STX18: variants seen among roughly 807,000 people sequenced by gnomAD.
The protein encoded by STX18 is syntaxin 18, also known as syntaxin-18.
STX18 carries 40 observed loss-of-function variants against 50.1 expected under a neutral mutation model. That is an observed-to-expected ratio of 0.80 (90% CI 0.62 to 1.04). The LOEUF (loss-of-function observed/expected upper bound fraction) is 1.04, where lower values mean the gene tolerates loss of function less well. STX18 is among the 50% of genes least tolerant of loss of function. STX18 has a pLI of 0.00. For synonymous variants in STX18, 158 were observed against 151.8 expected (o/e 1.04, Z -0.30); for missense variants, 410 against 415.8 (o/e 0.99, Z 0.12).
At chr4:4,449,089 C>G (rs1339059417) in intron 5 of STX18, among the ~76,000 whole-genome samples, 1 of 144,988 alleles carries the variant, frequency 6.9e-6, no homozygotes, top group Non-Finnish European at 1.5e-5. Flanking sequence ...CTCTGTTGTC[C>G]AGGCTAGAGT....
chr4:4,444,750 T>A (rs1027870277), intron 5 of STX18, among the ~76,000 whole-genome samples: 2 of 152,178 alleles, frequency 1.3e-5, no homozygotes, highest in African/African-American at 4.8e-5. Context: ...CTTAACCTGA[T>A]AAAGAACAGC....
At chr4:4,521,052 G>C (rs1212405639) in intron 1 of STX18, among the ~76,000 whole-genome samples, 2 of 152,110 alleles carry the variant, frequency 1.3e-5, no homozygotes, top group Non-Finnish European at 2.9e-5. Context: ...ATTTACCAAA[G>C]ACTACTCACC....
chr4:4,500,279 G>A (rs1729377238), intron 1 of STX18, among the ~76,000 whole-genome samples: 1 of 152,132 alleles, frequency 6.6e-6, no homozygotes, highest in South Asian at 2.1e-4. Flanking sequence ...TTGACCCTGT[G>A]TATCCATGGG....
intron 1 of STX18, among the ~76,000 whole-genome samples, chr4:4,494,478 C>A (rs1729079267): frequency 6.6e-6 from 1 of 152,112 alleles, no homozygotes; most frequent in East Asian, 1.9e-4. Context: ...TTTCTGATGA[C>A]TACATTACAG....
intron 1 of STX18, among the ~76,000 whole-genome samples, chr4:4,474,572 A>G (rs187308864): frequency 2.6e-3 from 399 of 152,352 alleles, no homozygotes; most frequent in Non-Finnish European, 4.5e-3. Flanking sequence ...GTTGCTGATC[A>G]GCTGACCTTA....
At chr4:4,460,640 T>C (rs560378956) in intron 2 of STX18, among the ~76,000 whole-genome samples, 1 of 152,008 alleles carries the variant, frequency 6.6e-6, no homozygotes, top group African/African-American at 2.4e-5. Flanking sequence ...GAAAAAGAAA[T>C]CCCACAGCCT....
chr4:4,493,287 C>T (rs1258783101), intron 1 of STX18, among the ~76,000 whole-genome samples: 2 of 151,698 alleles, frequency 1.3e-5, no homozygotes, highest in Non-Finnish European at 2.9e-5. Flanking sequence ...TCCCAACCCC[C>T]CCGCCCCCTC....
intron 1 of STX18, among the ~76,000 whole-genome samples, chr4:4,508,311 A>G (rs998506399): frequency 1.3e-5 from 2 of 152,104 alleles, no homozygotes; most frequent in Admixed American, 6.5e-5. Context: ...ACAACAACCT[A>G]TCTCTTTGAA....
Position 4,541,976 on chromosome 4 carries a change from C to A in STX18, c.-12G>T, listed in dbSNP as rs1560219060. Reference sequence around the variant, plus strand: ...ATGTCCACCGCCATAGCGACCCGCACCCTCAGCCCCACACTAGGCCCGCCC... The same window carrying A: ...ATGTCCACCGCCATAGCGACCCGCAACCTCAGCCCCACACTAGGCCCGCCC... On this transcript the variant is annotated 5_prime_UTR_variant, in exon 1 of 11. Transcript: ENST00000306200. 1 of 1,594,390 alleles carries A rather than the reference C, an allele frequency of 6.3e-7. No homozygotes were observed. The highest frequency in any genetic ancestry group is 2.3e-5 in the East Asian group (1 of 43,564).
At chr4:4,501,891 G>A (rs548919868) in intron 1 of STX18, among the ~76,000 whole-genome samples, 1 of 152,310 alleles carries the variant, frequency 6.6e-6, no homozygotes, top group Non-Finnish European at 1.5e-5. Context: ...ATTCAAACTT[G>A]TAACTTCACA....
At chr4:4,459,764 C>T (rs1275207111) in intron 2 of STX18, among the ~76,000 whole-genome samples, 1 of 152,172 alleles carries the variant, frequency 6.6e-6, no homozygotes, top group Non-Finnish European at 1.5e-5. Flanking sequence ...GGAGTCAGGG[C>T]TACAGCATAA....
chr4:4,499,843 G>T (rs1489283537), intron 1 of STX18, among the ~76,000 whole-genome samples: 1 of 150,550 alleles, frequency 6.6e-6, no homozygotes. Context: ...TCAGTGGGGG[G>T]AAATGGCTTT....
At chr4:4,485,284 G>C (rs1728650703) in intron 1 of STX18, among the ~76,000 whole-genome samples, 1 of 152,196 alleles carries the variant, frequency 6.6e-6, no homozygotes, top group Non-Finnish European at 1.5e-5. Flanking sequence ...CACACAGTAG[G>C]TGCTCAACTA....
chr4:4,474,852 T>C (rs1388958226), intron 1 of STX18, among the ~76,000 whole-genome samples: 2 of 152,208 alleles, frequency 1.3e-5, no homozygotes, highest in Non-Finnish European at 2.9e-5. Context: ...AGTCCCATTT[T>C]GGACACTTGA....
chr4:4,496,692 T>C (rs779932221), intron 1 of STX18, among the ~76,000 whole-genome samples: 3 of 152,132 alleles, frequency 2.0e-5, no homozygotes, highest in Non-Finnish European at 2.9e-5. Flanking sequence ...CAACTGTGGG[T>C]AGAAAGGTTG....
Position 4,420,178 on chromosome 4 carries a change from T to C in STX18, c.913-49A>G. The C allele has an allele frequency of 6.6e-7, 1 of 1,511,386 alleles. No homozygotes were observed. The allele number at this position is 1,511,386 out of a possible 1,614,324, so 93.6% of individuals were successfully genotyped here. A position where few individuals can be genotyped will look rare whatever the true frequency, so the allele number is the denominator to read the frequency against. On this transcript the variant is annotated intron_variant, in intron 10 of 10. Transcript: ENST00000306200. This position sits in a 1 kb window ranked among gnomAD's most constrained non-coding sequence, Gnocchi z 4.3. Reference sequence around the variant, plus strand: ...TGTTTTTATCACACAGGATTTTGGTTTGAGCAGCCCTGAAATGCCCCCCTC... The same window carrying C: ...TGTTTTTATCACACAGGATTTTGGTCTGAGCAGCCCTGAAATGCCCCCCTC...
At chr4:4,448,773 T>A (rs982396153) in intron 5 of STX18, among the ~76,000 whole-genome samples, 1 of 152,198 alleles carries the variant, frequency 6.6e-6, no homozygotes, top group Non-Finnish European at 1.5e-5. Flanking sequence ...TGGCACACAG[T>A]AGGTGCTCCC....
chr4:4,476,911 A>T (rs1322191391), intron 1 of STX18, among the ~76,000 whole-genome samples: 1 of 152,086 alleles, frequency 6.6e-6, no homozygotes, highest in African/African-American at 2.4e-5. Flanking sequence ...TATTTTAAAA[A>T]ATCTCGGGGC....
chr4:4,464,404 C>T (rs1456458649), intron 2 of STX18, among the ~76,000 whole-genome samples: 1 of 152,148 alleles, frequency 6.6e-6, no homozygotes, highest in African/African-American at 2.4e-5. Flanking sequence ...TTCATCTGCT[C>T]GATAAATATT....
Sources: gnomAD v4.1 joint callset for allele counts (sites outside exome capture counted in the v4.1 genomes callset) on GRCh38, gnomAD v4.1.1 for gene constraint, Gnocchi (gnomAD v3.1) non-coding constraint, MANE v1.5 for transcripts, NCBI Gene and HGNC (gene_info 2026-07-23, HGNC 2026-07-21) for gene names.